The following FAF1 variants were observed in gnomAD, a reference collection of about 807,000 sequenced individuals.
The protein encoded by FAF1 is FAS-associated factor 1.
A neutral mutation model predicts 92.5 loss-of-function variants in FAF1; 25 were observed. The observed-to-expected ratio is 0.27, with a 90% CI of 0.20 to 0.38. The LOEUF (loss-of-function observed/expected upper bound fraction) is 0.38, where lower values mean the gene tolerates loss of function less well. Among genes scored for constraint, FAF1 ranks in the 10% least tolerant of loss-of-function variants. The pLI is 1.00. For synonymous variants in FAF1, 234 were observed against 273.2 expected (o/e 0.86, Z 1.42); for missense variants, 636 against 793.3 (o/e 0.80, Z 2.38).
At chr1:50,956,940 C>A (rs1645271897) in intron 1 of FAF1, among the ~76,000 whole-genome samples, 1 of 152,138 alleles carries the variant, frequency 6.6e-6, no homozygotes, top group Non-Finnish European at 1.5e-5. Context: ...AAGAGTGAAA[C>A]TCCATCTCAG....
chr1:50,757,275 T>A (rs1261142399), intron 4 of FAF1, among the ~76,000 whole-genome samples: 1 of 152,244 alleles, frequency 6.6e-6, no homozygotes, highest in Non-Finnish European at 1.5e-5. Context: ...GCTGTTCAGA[T>A]TTTTTGTCTG....
chr1:50,597,849 G>A (rs1651903872), intron 8 of FAF1, among the ~76,000 whole-genome samples: 1 of 152,172 alleles, frequency 6.6e-6, no homozygotes, highest in Non-Finnish European at 1.5e-5. Context: ...GGAAAAGGCA[G>A]GCACTTAACA....
At chr1:50,683,018 C>A (rs975531550) in intron 7 of FAF1, among the ~76,000 whole-genome samples, 1 of 151,260 alleles carries the variant, frequency 6.6e-6, no homozygotes, top group Non-Finnish European at 1.5e-5. Flanking sequence ...GGTGACAGAG[C>A]AAGACTCCGT....
chr1:50,889,730 C>G (rs1003864360), intron 1 of FAF1, among the ~76,000 whole-genome samples: 2 of 152,110 alleles, frequency 1.3e-5, no homozygotes, highest in African/African-American at 4.8e-5. Context: ...GTCTGAGAGA[C>G]AGTTTGTTAT....
chr1:50,777,996 T>C (rs1487895999), intron 4 of FAF1, among the ~76,000 whole-genome samples: 2 of 152,200 alleles, frequency 1.3e-5, no homozygotes, highest in Non-Finnish European at 2.9e-5. Flanking sequence ...GCCAAAAACA[T>C]GTACAAGAAT....
intron 15 of FAF1, among the ~76,000 whole-genome samples, chr1:50,528,003 T>A (rs1647928430): frequency 6.6e-6 from 1 of 151,972 alleles, no homozygotes; most frequent in East Asian, 1.9e-4. Flanking sequence ...CCCGAGTCGC[T>A]GGGACTACAC....
chr1:50,496,748 G>C (rs1232402235), intron 15 of FAF1, among the ~76,000 whole-genome samples: 1 of 152,100 alleles, frequency 6.6e-6, no homozygotes, highest in African/African-American at 2.4e-5. Flanking sequence ...AATCAGCCGG[G>C]CATGGTGGCA....
chr1:50,852,372 A>C (rs1644357979), intron 2 of FAF1, among the ~76,000 whole-genome samples: 1 of 149,796 alleles, frequency 6.7e-6, no homozygotes, highest in Non-Finnish European at 1.5e-5. Flanking sequence ...CTAATAACTC[A>C]ATCAGTCAAG....
chr1:50,939,768 T>C (rs533389484), intron 1 of FAF1, among the ~76,000 whole-genome samples: 1 of 152,340 alleles, frequency 6.6e-6, no homozygotes, highest in Non-Finnish European at 1.5e-5. Context: ...TTTTTCTGCA[T>C]CTATTGAGAT....
intron 7 of FAF1, among the ~76,000 whole-genome samples, chr1:50,672,244 T>C (rs943456421): frequency 2.6e-5 from 4 of 151,922 alleles, no homozygotes; most frequent in Admixed American, 2.6e-4. Context: ...ACGGGGTTTA[T>C]CTTGGCCAGG....
chr1:50,599,206 A>G (rs184066393), intron 8 of FAF1, among the ~76,000 whole-genome samples: 2 of 152,026 alleles, frequency 1.3e-5, no homozygotes, highest in African/African-American at 4.8e-5. Flanking sequence ...TCCACCTCCC[A>G]GGTTCGAGTG....
chr1:50,646,443 A>T (rs1436067495), intron 8 of FAF1, among the ~76,000 whole-genome samples: 1 of 152,238 alleles, frequency 6.6e-6, no homozygotes, highest in Non-Finnish European at 1.5e-5. Context: ...TTATTGCCAT[A>T]GATGTCAACT....
At position 50,684,257 on chromosome 1, in the gene FAF1, CTT is replaced by C. The variant is rs756495229; in HGVS notation, c.657+21527_657+21528del. Among the ~76,000 whole-genome samples, 460 of 114,398 alleles carry C rather than the reference CTT, an allele frequency of 4.0e-3. 2 individuals carry two copies. The highest frequency in any genetic ancestry group is 9.7e-3 in the Middle Eastern group (2 of 206). 75.0% of individuals were successfully genotyped at this position (114,398 alleles called of 152,430 possible). A position where few individuals can be genotyped will look rare whatever the true frequency, so the allele number is the denominator to read the frequency against. On this transcript the variant is annotated intron_variant, in intron 7 of 18. Coordinates refer to ENST00000396153, the MANE Select transcript of FAF1 (RefSeq NM_007051.3). Reference sequence around the variant, plus strand: ...TTTAATAGCCTTGATTTCCAACAGACTTTTTTTTTTTTTTTTTTTTTGGTTCA... The same window carrying C: ...TTTAATAGCCTTGATTTCCAACAGACTTTTTTTTTTTTTTTTTTTGGTTCA...
chr1:50,520,836 C>A lies in FAF1; in HGVS notation c.1494+14533G>T, dbSNP rs192500791. Among the ~76,000 whole-genome samples the A allele has an allele frequency of 4.0e-4, 61 of 152,258 alleles. No individual in the cohort carries two copies. The East Asian group carries it at 8.3e-3, about 21-fold the overall frequency. On this transcript the variant is annotated intron_variant, in intron 15 of 18. Coordinates refer to ENST00000396153, the MANE Select transcript of FAF1 (RefSeq NM_007051.3). ...CTCCAGCATGAGCAACAGAGTGACACCCTGTCTCAAAAAACCAAAAAACTT... is the reference window on the plus strand; with the variant it reads ...CTCCAGCATGAGCAACAGAGTGACAACCTGTCTCAAAAAACCAAAAAACTT...
intron 18 of FAF1, among the ~76,000 whole-genome samples, chr1:50,474,234 C>G (rs952487931): frequency 6.6e-5 from 10 of 152,226 alleles, no homozygotes; most frequent in African/African-American, 2.4e-4. Context: ...CTTCAAGTAG[C>G]TGAAGACAAC....
chr1:50,732,165 C>T (rs1658953496), intron 6 of FAF1, among the ~76,000 whole-genome samples: 1 of 152,130 alleles, frequency 6.6e-6, no homozygotes, highest in Non-Finnish European at 1.5e-5. Flanking sequence ...ACCTCTGCCT[C>T]CCAGGTTCAC....
chr1:50,859,635 T>C (rs1224018359), intron 1 of FAF1, among the ~76,000 whole-genome samples: 1 of 152,072 alleles, frequency 6.6e-6, no homozygotes, highest in African/African-American at 2.4e-5. Context: ...CATTCCATGC[T>C]CACAGGTTGG....
intron 2 of FAF1, among the ~76,000 whole-genome samples, chr1:50,823,112 C>T (rs546627490): frequency 1.2e-4 from 18 of 152,092 alleles, no homozygotes. Flanking sequence ...TTAGACATCC[C>T]GCAGTATGCA....
chr1:50,569,530 CT>C (rs1009674748), intron 12 of FAF1, among the ~76,000 whole-genome samples: 3 of 152,100 alleles, frequency 2.0e-5, no homozygotes, highest in African/African-American at 7.2e-5. Flanking sequence ...AACTCTTCTT[CT>C]TAGGAGCTCT....
Sources: allele counts gnomAD v4.1 joint callset (sites outside exome capture counted in the v4.1 genomes callset), GRCh38; gene constraint gnomAD v4.1.1; transcripts MANE v1.5; gene names NCBI Gene and HGNC (gene_info 2026-07-23, HGNC 2026-07-21).